Variants in QRFPR observed in about 807,000 individuals in gnomAD.
QRFPR encodes the protein pyroglutamylated RF-amide peptide receptor.
QRFPR carries 37 observed loss-of-function variants against 31.3 expected under a neutral mutation model. That is an observed-to-expected ratio of 1.18 (90% confidence interval 0.91 to 1.56). QRFPR has a LOEUF of 1.56. QRFPR is among the 40% of genes most tolerant of loss of function. The probability of loss-of-function intolerance (pLI) is 0.00; values close to 1 mark genes in which losing one functional copy is unlikely to be tolerated. For synonymous variants in QRFPR, 197 were observed against 192.0 expected, an observed-to-expected ratio of 1.03 and a Z score of -0.22; for missense variants, 542 against 532.5, an observed-to-expected ratio of 1.02 and a Z score of -0.18.
intron 1 of QRFPR, among the ~76,000 whole-genome samples, chr4:121,379,657 T>C (rs1726432544): frequency 6.6e-6 from 1 of 152,212 alleles, no homozygotes; most frequent in Non-Finnish European, 1.5e-5. Flanking sequence ...GAATGTTATC[T>C]CTTCTTTTAT....
intron 1 of QRFPR, among the ~76,000 whole-genome samples, chr4:121,365,583 ATATATATTATAT>A: frequency 3.4e-4 from 1 of 2,918 alleles, no homozygotes; most frequent in Non-Finnish European, 5.4e-4. Context: ...AATATATATT[ATATATATTATAT>A]ATATATAATA....
intron 1 of QRFPR, among the ~76,000 whole-genome samples, chr4:121,352,924 A>AT (rs953769177): frequency 1.3e-5 from 2 of 151,294 alleles, no homozygotes; most frequent in East Asian, 1.9e-4. Context: ...CCAAAAGTTC[A>AT]TTTTTTTTCT....
chr4:121,359,987 T>C (rs114620526), intron 1 of QRFPR, among the ~76,000 whole-genome samples: 2,582 of 152,164 alleles, frequency 0.017, 87 homozygotes, highest in African/African-American at 0.059. Flanking sequence ...TCAGATCTTA[T>C]TGGGGTAACA....
At chr4:121,378,352 TTTC>T (rs1408814383) in intron 1 of QRFPR, among the ~76,000 whole-genome samples, 1 of 151,714 alleles carries the variant, frequency 6.6e-6, no homozygotes, top group Non-Finnish European at 1.5e-5. Flanking sequence ...CCATATGGCC[TTTC>T]TTGGCCATGA....
At chr4:121,378,407 CTTTTT>C (rs34846492) in intron 1 of QRFPR, among the ~76,000 whole-genome samples, 1 of 100,918 alleles carries the variant, frequency 9.9e-6, no homozygotes. Context: ...GCTCACTGCA[CTTTTT>C]TTTTTTTTTT....
chr4:121,336,584 G>C lies in QRFPR; in HGVS notation c.561+223C>G, dbSNP rs118110679. On this transcript the variant is annotated intron_variant, in intron 3 of 5. Transcript: ENST00000394427. ...CTGACCTGTGTATTTTTGAAAAATT[G>C]TATTTTAAGCATTAGAGTCCTAACA... Among the ~76,000 whole-genome samples, 603 of 152,254 alleles carry C rather than the reference G, an allele frequency of 4.0e-3. 35 individuals carry two copies. In the East Asian group the frequency reaches 0.1, roughly 25 times the overall value.
At chr4:121,347,008 G>A (rs1467883532) in intron 1 of QRFPR, among the ~76,000 whole-genome samples, 1 of 152,066 alleles carries the variant, frequency 6.6e-6, no homozygotes, top group Non-Finnish European at 1.5e-5. Context: ...TCTTTCTCTG[G>A]TTTAAGTGTC....
At chr4:121,365,575 T>TATATA (rs1726100621) in intron 1 of QRFPR, among the ~76,000 whole-genome samples, 16 of 1,464 alleles carry the variant, frequency 0.011, no homozygotes, top group African/African-American at 0.039. Flanking sequence ...TTATATATAA[T>TATATA]ATATATTATA....
At chr4:121,365,509 AATATATATTATATATAT>A (rs1726078746) in intron 1 of QRFPR, among the ~76,000 whole-genome samples, 2 of 3,112 alleles carry the variant, frequency 6.4e-4, no homozygotes, top group Non-Finnish European at 8.8e-4. Flanking sequence ...TAATATATAT[AATATATATTATATATAT>A]TATATATAAT....
rs1361194229 is a variant in QRFPR at position 121,380,734 on chromosome 4, G to T, written c.-87C>A. The T allele has an allele frequency of 8.2e-7, 1 of 1,225,500 alleles. No individual in the cohort carries two copies. Among genetic ancestry groups the T allele is most frequent in the Non-Finnish European group, 1.1e-6 (1 of 896,684 alleles). The allele number at this position is 1,225,500 out of a possible 1,614,324, so 75.9% of individuals were successfully genotyped here. A position where few individuals can be genotyped will look rare whatever the true frequency, so the allele number is the denominator to read the frequency against. ...GGGCAGCGAGGGCTTCGGGGGACCA[G>T]CCGGAGGCCGCCTCCCTTCCTCTAC... On this transcript the variant is annotated 5_prime_UTR_variant, in exon 1 of 6. The change creates a new upstream start codon in the 5' untranslated region. Coordinates refer to ENST00000394427, the MANE Select transcript of QRFPR (RefSeq NM_198179.3).
Position 121,353,036 on chromosome 4 carries a change from A to G in QRFPR, c.341-12426T>C, listed in dbSNP as rs372612104. Among the ~76,000 whole-genome samples the G allele has an allele frequency of 5.9e-5, 9 of 152,224 alleles. No individual in the cohort carries two copies. In the East Asian group the frequency reaches 1.3e-3, roughly 23 times the overall value. ...TCCAGTTCCATCTATGCTGTTCTGA[A>G]TAACAGAACTTCATTTCTTTTTATG... On this transcript the variant is annotated intron_variant, in intron 1 of 5. Coordinates refer to ENST00000394427, the MANE Select transcript of QRFPR (RefSeq NM_198179.3).
intron 1 of QRFPR, among the ~76,000 whole-genome samples, chr4:121,352,951 A>G (rs1432526422): frequency 1.3e-5 from 2 of 151,994 alleles, no homozygotes; most frequent in Non-Finnish European, 2.9e-5. Context: ...CCCACATATG[A>G]GTGAGAACAC....
chr4:121,377,545 AACTTGGCACTG>A (rs1433968345), intron 1 of QRFPR, among the ~76,000 whole-genome samples: 2 of 151,740 alleles, frequency 1.3e-5, no homozygotes, highest in African/African-American at 4.9e-5. Context: ...TCTTCCCTCC[AACTTGGCACTG>A]ACCCCTATTC....
chr4:121,380,852 C>A lies in QRFPR; in HGVS notation c.-205G>T. On this transcript the variant is annotated 5_prime_UTR_variant, in exon 1 of 6. Coordinates refer to ENST00000394427, the MANE Select transcript of QRFPR (RefSeq NM_198179.3). Reference sequence around the variant, plus strand: ...AGGGATCAAACCCACGATAAAGAGGCGGGAAGCCAAAGCACTGGGAGACTC... The same window carrying A: ...AGGGATCAAACCCACGATAAAGAGGAGGGAAGCCAAAGCACTGGGAGACTC... The A allele has an allele frequency of 3.7e-6, 2 of 547,366 alleles. No homozygotes were observed. The highest frequency in any genetic ancestry group is 5.4e-5 in the South Asian group (2 of 37,378). The allele number at this position is 547,366 out of a possible 1,614,324, so 33.9% of individuals were successfully genotyped here.
At chr4:121,369,558 C>G in intron 1 of QRFPR, 1 of 1,609,324 alleles carries the variant, frequency 6.2e-7, no homozygotes, top group East Asian at 2.2e-5. Flanking sequence ...GGATCTTCAG[C>G]CATTCGGTTG....
intron 1 of QRFPR, chr4:121,369,545 G>A: frequency 6.2e-7 from 1 of 1,603,602 alleles, no homozygotes; most frequent in South Asian, 1.1e-5. Flanking sequence ...CTTCAAGGCT[G>A]CTGGATCTTC....
At chr4:121,371,049 T>C (rs1210377948) in intron 1 of QRFPR, among the ~76,000 whole-genome samples, 1 of 152,204 alleles carries the variant, frequency 6.6e-6, no homozygotes, top group Non-Finnish European at 1.5e-5. Context: ...TGGAACAGGA[T>C]TAGAACCCAA....
In QRFPR at chr4:121,329,659, C is replaced by T. The variant is rs1445071801; in HGVS notation, c.951G>A (p.Val317=). The change falls in exon 6 of 6, where the codon GTG becomes GTA. Residue 317 remains valine (V), a synonymous_variant. Coordinates refer to ENST00000394427, the MANE Select transcript of QRFPR (RefSeq NM_198179.3). ...TGGAGTTGGAAAATCCAATAATTTG[C>T]ACGATAGCAAAAATCATCTTGATTG... is the stretch of plus-strand genomic sequence containing the variant. ...DVTIKMIFAI[V]QIIGFSNSIC... 1 of 1,580,906 alleles carries T rather than the reference C, an allele frequency of 6.3e-7. No homozygotes were observed. The highest frequency in any genetic ancestry group is 8.6e-7 in the Non-Finnish European group (1 of 1,164,384).
chr4:121,374,825 A>G (rs1446576564), intron 1 of QRFPR, among the ~76,000 whole-genome samples: 1 of 152,204 alleles, frequency 6.6e-6, no homozygotes. Context: ...TCCCCCAACG[A>G]TGCTGCCATT....
Sources: gnomAD v4.1 joint callset for allele counts (sites outside exome capture counted in the v4.1 genomes callset) on GRCh38, gnomAD v4.1.1 for gene constraint, MANE v1.5 for transcripts, NCBI Gene and HGNC (gene_info 2026-07-23, HGNC 2026-07-21) for gene names.